The following NXN variants were observed in gnomAD, a reference collection of about 807,000 sequenced individuals.
NXN encodes nucleoredoxin 1.
A neutral mutation model predicts 48.6 loss-of-function variants in NXN; 16 were observed. That is an observed-to-expected ratio of 0.33 (90% CI 0.22 to 0.50). The LOEUF (loss-of-function observed/expected upper bound fraction) is 0.50. NXN is among the 20% of genes least tolerant of loss of function. NXN has a pLI of 0.98. For synonymous variants in NXN, 281 were observed against 269.6 expected (o/e 1.04, Z -0.41); for missense variants, 492 against 605.5 (o/e 0.81, Z 1.97).
chr17:969,166 C>T (rs982802893), intron 1 of NXN, among the ~76,000 whole-genome samples: 2 of 152,134 alleles, frequency 1.3e-5, no homozygotes, highest in East Asian at 1.9e-4. Flanking sequence ...TTAAACGGCA[C>T]GTGCTATGCA....
chr17:883,632 G>T (rs1047932907), intron 1 of NXN, among the ~76,000 whole-genome samples: 5 of 152,370 alleles, frequency 3.3e-5, no homozygotes, highest in Admixed American at 6.5e-5. Flanking sequence ...GAAATGCCCA[G>T]AAAGAAAAGC....
At chr17:918,897 C>T (rs1324264890) in intron 1 of NXN, among the ~76,000 whole-genome samples, 1 of 151,450 alleles carries the variant, frequency 6.6e-6, no homozygotes, top group Non-Finnish European at 1.5e-5. Context: ...CAGCCTCCTT[C>T]CTCATTAAAA....
At chr17:871,157 G>A (rs1274524025) in intron 1 of NXN, among the ~76,000 whole-genome samples, 5 of 151,820 alleles carry the variant, frequency 3.3e-5, no homozygotes, top group African/African-American at 7.2e-5. Context: ...CACCGTGCCC[G>A]GCTATGCTTT....
intron 1 of NXN, among the ~76,000 whole-genome samples, chr17:843,561 T>A (rs2067824877): frequency 6.6e-6 from 1 of 152,328 alleles, no homozygotes; most frequent in South Asian, 2.1e-4. Flanking sequence ...TAGGGCCATA[T>A]GTGCTCAGGA....
intron 1 of NXN, among the ~76,000 whole-genome samples, chr17:868,685 G>A (rs2068119423): frequency 6.6e-6 from 1 of 152,054 alleles, no homozygotes; most frequent in Non-Finnish European, 1.5e-5. Context: ...GTAGAGACGG[G>A]GTTTCACCAC....
chr17:843,990 C>T (rs991654863), intron 1 of NXN, among the ~76,000 whole-genome samples: 2 of 152,360 alleles, frequency 1.3e-5, no homozygotes, highest in South Asian at 2.1e-4. Flanking sequence ...CATTCCCTGT[C>T]GCTTTGGGGA....
intron 1 of NXN, among the ~76,000 whole-genome samples, chr17:839,201 G>A (rs1440215500): frequency 3.9e-5 from 6 of 152,054 alleles, no homozygotes; most frequent in African/African-American, 1.4e-4. Context: ...TTGGGAGGCC[G>A]AGGCGGGCGG....
intron 1 of NXN, among the ~76,000 whole-genome samples, chr17:897,370 A>G (rs148530019): frequency 2.1e-3 from 319 of 152,322 alleles, no homozygotes; most frequent in Non-Finnish European, 3.8e-3. Flanking sequence ...AGGACAATCA[A>G]TTAGCAAGAT....
chr17:823,482 CT>C (rs1597630951), intron 3 of NXN, 149 bp downstream of exon 3: 1 of 734,054 alleles, frequency 1.4e-6, no homozygotes, highest in East Asian at 2.7e-5. Context: ...ATCATAAGCA[CT>C]ATTCAACCAG....
chr17:887,863 G>A (rs1209843121), intron 1 of NXN, among the ~76,000 whole-genome samples: 1 of 152,210 alleles, frequency 6.6e-6, no homozygotes, highest in East Asian at 1.9e-4. Flanking sequence ...AGAGAGGCAA[G>A]GACGTGGGCT....
intron 1 of NXN, among the ~76,000 whole-genome samples, chr17:852,205 T>C (rs573051908): frequency 1.3e-5 from 2 of 152,338 alleles, no homozygotes; most frequent in East Asian, 3.9e-4. Context: ...GTCCCAGCTC[T>C]TCTGCCATCC....
intron 1 of NXN, among the ~76,000 whole-genome samples, chr17:914,541 A>G (rs1462887981): frequency 1.3e-5 from 2 of 150,582 alleles, no homozygotes; most frequent in Admixed American, 1.3e-4. Flanking sequence ...GCAAACACCG[A>G]GGTCTGTAAT....
intron 3 of NXN, among the ~76,000 whole-genome samples, 176 bp from the exon 4 acceptor site, chr17:822,633 G>C (rs1912879586): frequency 6.6e-6 from 1 of 152,134 alleles, no homozygotes. Flanking sequence ...GAGGTCAGAA[G>C]ATCGCTTGAG....
chr17:969,161 C>T (rs917358278), intron 1 of NXN, among the ~76,000 whole-genome samples: 7 of 152,074 alleles, frequency 4.6e-5, no homozygotes, highest in Non-Finnish European at 8.8e-5. Context: ...AACATTTAAA[C>T]GGCACGTGCT....
intron 1 of NXN, among the ~76,000 whole-genome samples, chr17:909,159 C>T (rs374548666): frequency 6.2e-5 from 9 of 144,190 alleles, no homozygotes; most frequent in Admixed American, 6.2e-4. Flanking sequence ...CCTAGTCAAA[C>T]GAGAGGAACA....
intron 1 of NXN, among the ~76,000 whole-genome samples, chr17:911,961 A>G (rs2068640809): frequency 6.9e-6 from 1 of 145,738 alleles, no homozygotes. Context: ...TTTGAGATGG[A>G]CAGTCTCACT....
At chr17:877,553 C>G (rs930327263) in intron 1 of NXN, among the ~76,000 whole-genome samples, 3 of 152,170 alleles carry the variant, frequency 2.0e-5, no homozygotes, top group African/African-American at 4.8e-5. Context: ...GATACACGAG[C>G]CTTTCTTTCC....
In NXN at chr17:958,198, C is replaced by G. The variant is rs1262305547; in HGVS notation, c.360+21121G>C. 6.6e-6 allele frequency among the ~76,000 whole-genome samples: 1 copy of G among 152,218 alleles called. No homozygotes were observed. Among genetic ancestry groups the G allele is most frequent in the Non-Finnish European group, 1.5e-5 (1 of 68,044 alleles). ...TTGAAAAGGTCACTTGCACATTCTT[C>G]TTTCCAGAAGGCTTTTCTTGCAGGA... On this transcript the variant is annotated intron_variant, in intron 1 of 7. Coordinates refer to ENST00000336868, the MANE Select transcript of NXN (RefSeq NM_022463.5). This position sits in a 1 kb window ranked among gnomAD's most constrained non-coding sequence, Gnocchi z 6.9.
At chr17:971,948 C>A (rs990338768) in intron 1 of NXN, among the ~76,000 whole-genome samples, 1 of 151,254 alleles carries the variant, frequency 6.6e-6, no homozygotes, top group Admixed American at 6.6e-5. Context: ...GGTGGATCAC[C>A]TGAGGTCAGG....
Sources: gnomAD v4.1 joint callset for allele counts (sites outside exome capture counted in the v4.1 genomes callset) on GRCh38, gnomAD v4.1.1 for gene constraint, Gnocchi (gnomAD v3.1) non-coding constraint, MANE v1.5 for transcripts, NCBI Gene and HGNC (gene_info 2026-07-23, HGNC 2026-07-21) for gene names.